TMCO4: variants seen among roughly 807,000 people sequenced by gnomAD.
TMCO4 encodes the protein transmembrane and coiled-coil domain-containing protein 4.
In TMCO4, 58 loss-of-function variants were observed where a neutral mutation model predicts 64.7. The ratio of observed to expected loss-of-function variants is 0.90; its 90% confidence interval spans 0.73 to 1.12. The LOEUF is 1.12. Among genes scored for constraint, TMCO4 ranks in the 50% most tolerant of loss-of-function variants. TMCO4 has a pLI of 0.00. For synonymous variants in TMCO4, 325 were observed against 346.1 expected (o/e 0.94, Z 0.68); for missense variants, 780 against 825.9 (o/e 0.94, Z 0.68).
At chr1:19,754,188 C>T (rs868735358) in intron 7 of TMCO4, among the ~76,000 whole-genome samples, 2 of 152,156 alleles carry the variant, frequency 1.3e-5, no homozygotes, top group African/African-American at 4.8e-5. Context: ...CTGGGGTTAC[C>T]GGTATTATCA....
chr1:19,797,795 C>T lies in TMCO4; in HGVS notation c.-101+342G>A, dbSNP rs184351279. On this transcript the variant is annotated intron_variant, in intron 2 of 15. Coordinates refer to ENST00000294543, the MANE Select transcript of TMCO4 (RefSeq NM_181719.7). ...AGGAGAACCGCTTGAACCTGGGAGG[C>T]GGAGGTTGCAGTGAGCTGAAATTGC... 4.2e-3 allele frequency among the ~76,000 whole-genome samples: 608 copies of T among 146,230 alleles called. 1 individual carries two copies. The highest frequency in any genetic ancestry group is 0.029 in the Middle Eastern group (8 of 278).
At chr1:19,780,550 AC>A in intron 4 of TMCO4, 29 bp downstream of exon 4, 1 of 1,559,340 alleles carries the variant, frequency 6.4e-7, no homozygotes, top group Non-Finnish European at 8.7e-7. Flanking sequence ...AAGAAGCATG[AC>A]CTTCCCACTG....
rs1467439315 is a variant in TMCO4 at position 19,683,509 on chromosome 1, C to T, written c.1501-65G>A. The T allele has an allele frequency of 5.0e-5, 79 of 1,566,078 alleles. No homozygotes were observed. In the East Asian group the frequency reaches 1.4e-3, roughly 27 times the overall value. On this transcript the variant is annotated intron_variant, in intron 15 of 15. Coordinates refer to ENST00000294543, the MANE Select transcript of TMCO4 (RefSeq NM_181719.7). ...GAGCCCAGCCCTCCCCAGGGACCTCCGGCCAAACTTCTGGGCCTCAGCCTT... is the reference window on the plus strand; with the variant it reads ...GAGCCCAGCCCTCCCCAGGGACCTCTGGCCAAACTTCTGGGCCTCAGCCTT...
rs940788815 is a variant in TMCO4, at chr1:19,708,219, G to A, written c.1265-7334C>T. ...ATGCTTCCAGACAGCATCCTCAGAA[G>A]AGGAAACAGAAAGTTCAAAGGTCAA... On this transcript the variant is annotated intron_variant, in intron 13 of 15. Transcript: ENST00000294543. Among the ~76,000 whole-genome samples, 4 of 151,920 alleles carry A rather than the reference G, an allele frequency of 2.6e-5. No individual in the cohort carries two copies. In the East Asian group the frequency reaches 7.7e-4, roughly 29 times the overall value.
intron 11 of TMCO4, 121 bp downstream of exon 11, chr1:19,740,656 G>A (rs1570839235): frequency 1.0e-5 from 12 of 1,159,238 alleles, no homozygotes; most frequent in Admixed American, 2.4e-5. Flanking sequence ...ACCTCTCTGT[G>A]TTCCTAGGGT....
chr1:19,772,177 G>A (rs2043016322), intron 4 of TMCO4, among the ~76,000 whole-genome samples: 2 of 152,110 alleles, frequency 1.3e-5, no homozygotes, highest in South Asian at 4.1e-4. Flanking sequence ...TGGTACCCTA[G>A]GACAGAGGTG....
chr1:19,788,994 G>T (rs1571052208), intron 2 of TMCO4, among the ~76,000 whole-genome samples: 2 of 151,610 alleles, frequency 1.3e-5, no homozygotes, highest in African/African-American at 4.9e-5. Context: ...AGAATGGCGT[G>T]AACCCGGGAG....
At chr1:19,716,851 A>G (rs373298695) in intron 13 of TMCO4, among the ~76,000 whole-genome samples, 1 of 152,186 alleles carries the variant, frequency 6.6e-6, no homozygotes, top group African/African-American at 2.4e-5. Flanking sequence ...CTGGGCATCC[A>G]TGCTGGAGCC....
chr1:19,791,440 A>T lies in TMCO4; in HGVS notation c.-100-4323T>A, dbSNP rs2044031917. Among the ~76,000 whole-genome samples the T allele has an allele frequency of 3.3e-5, 5 of 152,128 alleles. 1 individual carries two copies. In the South Asian group the frequency reaches 1.0e-3, roughly 32 times the overall value. On this transcript the variant is annotated intron_variant, in intron 2 of 15. Transcript: ENST00000294543. ...TGGAATGGGGGAGCCCATGGTTCCA[A>T]CTCTATGGATTGTCTAACTGGACAG...
At chr1:19,768,731 C>T (rs1004533211) in intron 6 of TMCO4, among the ~76,000 whole-genome samples, 4 of 152,194 alleles carry the variant, frequency 2.6e-5, no homozygotes, top group Non-Finnish European at 4.4e-5. Context: ...CCCAAACACA[C>T]TCTTTGGAGC....
intron 2 of TMCO4, among the ~76,000 whole-genome samples, chr1:19,790,956 C>T (rs1429318495): frequency 6.6e-6 from 1 of 152,190 alleles, no homozygotes; most frequent in Non-Finnish European, 1.5e-5. Flanking sequence ...GGTACATATA[C>T]ACCATGGAAT....
rs1242007377 is a variant in TMCO4, at chr1:19,743,773, A to C, written c.877+1759T>G. Among the ~76,000 whole-genome samples, 1 of 152,164 alleles carries C rather than the reference A, an allele frequency of 6.6e-6. No individual in the cohort carries two copies. Among genetic ancestry groups the C allele is most frequent in the African/African-American group, 2.4e-5 (1 of 41,430 alleles). ...ACAAATGAAAAACCCTGGGCATTGG[A>C]TCAGGAGACCTGGGTTTGAATTGTG... On this transcript the variant is annotated intron_variant, in intron 10 of 15. Coordinates refer to ENST00000294543, the MANE Select transcript of TMCO4 (RefSeq NM_181719.7). This position sits in a 1 kb window ranked among gnomAD's most constrained non-coding sequence, Gnocchi z 4.1.
chr1:19,755,055 C>T (rs989275714), intron 7 of TMCO4, among the ~76,000 whole-genome samples: 1 of 152,136 alleles, frequency 6.6e-6, no homozygotes, highest in Admixed American at 6.5e-5. Flanking sequence ...TGAGGTGGAA[C>T]AGGGTGTCAG....
intron 6 of TMCO4, among the ~76,000 whole-genome samples, chr1:19,765,673 C>A (rs1281096532): frequency 1.3e-5 from 2 of 151,942 alleles, no homozygotes; most frequent in Admixed American, 6.6e-5. Flanking sequence ...GTTGTGTGGG[C>A]AAAGCGCTTC....
At chr1:19,753,884 G>T (rs988992989) in intron 7 of TMCO4, among the ~76,000 whole-genome samples, 1 of 152,098 alleles carries the variant, frequency 6.6e-6, no homozygotes, top group African/African-American at 2.4e-5. Flanking sequence ...CTACAATAGG[G>T]TCTATAATAG....
intron 3 of TMCO4, among the ~76,000 whole-genome samples, chr1:19,782,656 G>T (rs1313626910): frequency 2.6e-5 from 4 of 152,170 alleles, no homozygotes; most frequent in Non-Finnish European, 5.9e-5. Context: ...GGAAAGGGAG[G>T]AGAAGAGTAG....
intron 1 of TMCO4, 45 bp downstream of exon 1, chr1:19,799,810 G>C (rs2044514928): frequency 6.6e-6 from 1 of 152,012 alleles, no homozygotes; most frequent in African/African-American, 2.4e-5. Context: ...GGCCCAGCGA[G>C]GTGCGCGCCA....
chr1:19,720,034 G>A (rs1383903279), intron 13 of TMCO4, among the ~76,000 whole-genome samples: 1 of 118,066 alleles, frequency 8.5e-6, no homozygotes, highest in African/African-American at 3.2e-5. Flanking sequence ...TTGTAGAGAT[G>A]GCGTCTTGTT....
intron 12 of TMCO4, 43 bp from the exon 13 acceptor site, chr1:19,737,499 A>G (rs746935257): frequency 1.3e-6 from 2 of 1,593,758 alleles, no homozygotes; most frequent in Non-Finnish European, 1.7e-6. Context: ...GAATACTGCC[A>G]GTTCTAGCAA....
Sources: allele counts gnomAD v4.1 joint callset (sites outside exome capture counted in the v4.1 genomes callset), GRCh38; gene constraint gnomAD v4.1.1; non-coding constraint Gnocchi (gnomAD v3.1); transcripts MANE v1.5; gene names NCBI Gene and HGNC (gene_info 2026-07-23, HGNC 2026-07-21).